The following GLG1 variants were observed in gnomAD, a reference collection of about 807,000 sequenced individuals.
The protein encoded by GLG1 is golgi glycoprotein 1.
GLG1 carries 38 observed loss-of-function variants against 160.5 expected under a neutral mutation model. The ratio of observed to expected loss-of-function variants is 0.24; its 90% CI spans 0.18 to 0.31. The LOEUF (loss-of-function observed/expected upper bound fraction) is 0.31. Ranked by LOEUF, GLG1 falls within the 10% of genes least tolerant of loss-of-function variation. The pLI is 1.00. For missense variants in GLG1, 1,373 were observed against 1,505.2 expected (o/e 0.91, Z 1.45); for synonymous variants, 644 against 543.4 (o/e 1.19, Z -2.57).
chr16:74,536,304 A>G lies in GLG1; in HGVS notation c.439-4151T>C, dbSNP rs1382365531. On this transcript the variant is annotated intron_variant, in intron 1 of 25. Coordinates refer to ENST00000422840, the MANE Select transcript of GLG1 (RefSeq NM_001145667.2). ...AATAGCATGAGGAATAACACCCATAATTACTAAAATAAGATAAAACTGAGG... is the reference window on the plus strand; with the variant it reads ...AATAGCATGAGGAATAACACCCATAGTTACTAAAATAAGATAAAACTGAGG... Among the ~76,000 whole-genome samples, 3 of 152,210 alleles carry G rather than the reference A, an allele frequency of 2.0e-5. No individual in the cohort carries two copies. The East Asian group carries it at 5.8e-4, about 29-fold the overall frequency.
intron 2 of GLG1, among the ~76,000 whole-genome samples, chr16:74,512,087 C>T (rs1160176421): frequency 6.6e-6 from 1 of 151,972 alleles, no homozygotes; most frequent in Non-Finnish European, 1.5e-5. Context: ...AAGCCCACAC[C>T]CATTCTGTCA....
intron 4 of GLG1, among the ~76,000 whole-genome samples, chr16:74,498,433 C>CAAAAAA (rs752055366): frequency 3.3e-5 from 1 of 30,250 alleles, no homozygotes; most frequent in African/African-American, 1.1e-4. Context: ...GGCTCTGTCT[C>CAAAAAA]AAAAAAAAAA....
At chr16:74,602,764 C>T (rs1001997493) in intron 1 of GLG1, among the ~76,000 whole-genome samples, 33 of 148,980 alleles carry the variant, frequency 2.2e-4, no homozygotes, top group African/African-American at 7.7e-4. Flanking sequence ...GCCTGGGTGA[C>T]AGAGTGAGAC....
At chr16:74,534,738 T>C (rs559707303) in intron 1 of GLG1, among the ~76,000 whole-genome samples, 3 of 152,176 alleles carry the variant, frequency 2.0e-5, no homozygotes, top group South Asian at 2.1e-4. Flanking sequence ...TGCTATAAAC[T>C]GAGTATACAC....
intron 1 of GLG1, among the ~76,000 whole-genome samples, chr16:74,542,793 G>A (rs2017938025): frequency 7.4e-6 from 1 of 135,704 alleles, no homozygotes; most frequent in African/African-American, 2.7e-5. Flanking sequence ...AAGGAAGGAA[G>A]GAAGGAAGGA....
chr16:74,585,213 G>C (rs1437281854), intron 1 of GLG1, among the ~76,000 whole-genome samples: 1 of 151,914 alleles, frequency 6.6e-6, no homozygotes, highest in Non-Finnish European at 1.5e-5. Context: ...TTCAAGACTG[G>C]TCTGGCCAAC....
intron 1 of GLG1, among the ~76,000 whole-genome samples, chr16:74,573,137 ATAAT>A (rs2018883849): frequency 6.6e-6 from 1 of 152,184 alleles, no homozygotes; most frequent in Non-Finnish European, 1.5e-5. Context: ...CCAGAAATAG[ATAAT>A]TGACACATAA....
rs145421946 is a variant in GLG1, at chr16:74,462,612, A to G, written c.2810T>C (p.Met937Thr). The G allele has an allele frequency of 2.1e-4, 332 of 1,613,952 alleles. 2 individuals are homozygous for G. The highest frequency in any genetic ancestry group is 1.6e-4 in the Middle Eastern group (1 of 6,082). Residue 937 changes from methionine (M) to threonine (T), a missense_variant, in exon 21 of 26, where the codon ATG (methionine) becomes ACG (threonine). Around this residue, in one of 4 missense-constraint regions of GLG1, gnomAD observed 491 missense variants for 632.1 expected, o/e 0.78. Transcript: ENST00000422840. ...GTCAGCTTTACAGGCTTTTCTTAAC[A>G]TGGGGTTTAAGCGGTAATCTAGAGT... ...TQNTDYRLNP[M>T]LRKACKADIP...
intron 14 of GLG1, 107 bp from the exon 15 acceptor site, chr16:74,471,393 CA>C (rs562543680): frequency 0.021 from 14,233 of 680,406 alleles, 250 homozygotes; most frequent in South Asian, 0.033. Context: ...GAAGCCCTCA[CA>C]AAAAAAAGAC....
At chr16:74,490,511 C>T (rs933476622) in intron 8 of GLG1, among the ~76,000 whole-genome samples, 8 of 152,284 alleles carry the variant, frequency 5.3e-5, no homozygotes, top group Middle Eastern at 3.4e-3. Context: ...TCTCTTGATC[C>T]TTCAGGCCAG....
Position 74,457,893 on chromosome 16 carries a change from G to T in GLG1, c.3246C>A (p.Ile1082=). Residue 1082 remains isoleucine, a synonymous_variant, in exon 24 of 26, where the codon ATC becomes ATA. Transcript: ENST00000422840. ...ALDIKHHCAA[I]TPGRGRQMSC... is the part of the protein sequence containing the mutation. ...ACTTACGACGCCCGCGGCCAGGGGT[G>T]ATGGCTGCGCAGTGGTGTTTAATGT... 1 of 1,613,808 alleles carries T rather than the reference G, an allele frequency of 6.2e-7. No homozygotes were observed. The highest frequency in any genetic ancestry group is 1.7e-5 in the Admixed American group (1 of 59,988).
intron 2 of GLG1, among the ~76,000 whole-genome samples, chr16:74,509,714 T>C (rs977114768): frequency 1.3e-5 from 2 of 151,654 alleles, no homozygotes; most frequent in Non-Finnish European, 2.9e-5. Flanking sequence ...GCCGGCGTGG[T>C]GGCAGGCGCC....
chr16:74,539,262 T>G (rs2017768268), intron 1 of GLG1, among the ~76,000 whole-genome samples: 1 of 151,090 alleles, frequency 6.6e-6, no homozygotes, highest in Non-Finnish European at 1.5e-5. Flanking sequence ...CTTGTGTGCT[T>G]CCCAAGTGGA....
At chr16:74,497,143 G>A (rs2016219163) in intron 4 of GLG1, among the ~76,000 whole-genome samples, 1 of 151,846 alleles carries the variant, frequency 6.6e-6, no homozygotes, top group South Asian at 2.1e-4. Context: ...CAAAAAATTA[G>A]CCAGGCATGG....
At chr16:74,517,801 C>T (rs2017030014) in intron 2 of GLG1, among the ~76,000 whole-genome samples, 1 of 152,120 alleles carries the variant, frequency 6.6e-6, no homozygotes, top group South Asian at 2.1e-4. Flanking sequence ...TTAGAAAAGC[C>T]CGTCATCTCA....
rs1315585432 is a variant in GLG1, at chr16:74,474,640, T to C, written c.1966-8A>G. Reference sequence around the variant, plus strand: ...CTGAAGGCACTCCAGCTCCTGCAAATATAAAGGCAAGCCACTGGCATTTAT... The same window carrying C: ...CTGAAGGCACTCCAGCTCCTGCAAACATAAAGGCAAGCCACTGGCATTTAT... On this transcript the variant is annotated splice_region_variant and splice_polypyrimidine_tract_variant and intron_variant, in intron 12 of 25. Transcript: ENST00000422840. 1 of 1,406,208 alleles carries C rather than the reference T, an allele frequency of 7.1e-7. No homozygotes were observed. The highest frequency in any genetic ancestry group is 1.2e-5 in the South Asian group (1 of 86,890). 87.1% of individuals were successfully genotyped at this position (1,406,208 alleles called of 1,614,324 possible). A position where few individuals can be genotyped will look rare whatever the true frequency, so the allele number is the denominator to read the frequency against.
intron 1 of GLG1, among the ~76,000 whole-genome samples, chr16:74,558,531 G>C (rs1202682866): frequency 6.6e-6 from 1 of 152,210 alleles, no homozygotes; most frequent in Non-Finnish European, 1.5e-5. Flanking sequence ...CAACATTTGA[G>C]TCTGACTTTA....
chr16:74,606,057 T>A (rs1015395623), intron 1 of GLG1, among the ~76,000 whole-genome samples: 2 of 152,142 alleles, frequency 1.3e-5, no homozygotes, highest in Admixed American at 6.5e-5. Context: ...AAACACAGCT[T>A]CAAACGCTTC....
intron 25 of GLG1, among the ~76,000 whole-genome samples, chr16:74,454,209 G>T (rs1314930187): frequency 6.6e-6 from 1 of 151,556 alleles, no homozygotes; most frequent in Non-Finnish European, 1.5e-5. Context: ...TTTATATTTT[G>T]GCTTTTTTTT....
Sources: allele counts gnomAD v4.1 joint callset (sites outside exome capture counted in the v4.1 genomes callset), GRCh38; gene constraint gnomAD v4.1.1; regional missense constraint gnomAD v4.1.1; transcripts MANE v1.5; gene names NCBI Gene and HGNC (gene_info 2026-07-23, HGNC 2026-07-21).